The following SLCO3A1 variants were observed in gnomAD, a reference collection of about 807,000 sequenced individuals.
SLCO3A1 encodes the protein PGE1 transporter.
SLCO3A1 carries 27 observed loss-of-function variants against 63.1 expected under a neutral mutation model. That is an observed-to-expected ratio of 0.43 (90% CI 0.32 to 0.59). The LOEUF is 0.59. SLCO3A1 is among the 20% of genes least tolerant of loss of function. The pLI is 0.09. For synonymous variants in SLCO3A1, 473 were observed against 409.9 expected, an observed-to-expected ratio of 1.15 and a Z score of -1.86; for missense variants, 773 against 945.8, an observed-to-expected ratio of 0.82 and a Z score of 2.40.
chr15:91,855,491 G>T (rs1223086553), intron 1 of SLCO3A1, among the ~76,000 whole-genome samples: 1 of 152,164 alleles, frequency 6.6e-6, no homozygotes, highest in Admixed American at 6.5e-5. Context: ...TCTGTCTTGT[G>T]CATTCGTAAC....
intron 2 of SLCO3A1, among the ~76,000 whole-genome samples, chr15:91,972,379 A>G (rs992050368): frequency 7.2e-5 from 11 of 152,102 alleles, no homozygotes; most frequent in Admixed American, 6.5e-4. Context: ...AGCCCCCATG[A>G]TGGGGTTAGT....
intron 1 of SLCO3A1, among the ~76,000 whole-genome samples, chr15:91,915,452 A>T (rs923942947): frequency 3.3e-5 from 5 of 152,126 alleles, no homozygotes; most frequent in Admixed American, 6.5e-5. Flanking sequence ...CAAAGAGCAA[A>T]TGATTACCCC....
rs2046681390 is a variant in SLCO3A1 at position 92,033,483 on chromosome 15, A to C, written c.647-61398A>C. On this transcript the variant is annotated intron_variant, in intron 2 of 9. Coordinates refer to ENST00000318445, the MANE Select transcript of SLCO3A1 (RefSeq NM_013272.4). The surrounding 1 kb of genome is among the most constrained non-coding windows in gnomAD (Gnocchi z 4.5). ...GGAGTGAAAACCTAAAGGGAACTAA[A>C]TGCCGAGACGGTGGGCAAAGGAGAA... is the stretch of plus-strand genomic sequence containing the variant. 6.6e-6 allele frequency among the ~76,000 whole-genome samples: 1 copy of C among 152,194 alleles called. No homozygotes were observed. The highest frequency in any genetic ancestry group is 2.4e-5 in the African/African-American group (1 of 41,446).
chr15:92,006,334 G>C (rs895812779), intron 2 of SLCO3A1, among the ~76,000 whole-genome samples: 1 of 152,178 alleles, frequency 6.6e-6, no homozygotes, highest in African/African-American at 2.4e-5. Flanking sequence ...CATGACATAA[G>C]CTACAGCTTC....
intron 2 of SLCO3A1, among the ~76,000 whole-genome samples, chr15:91,927,167 C>T (rs1899059827): frequency 6.6e-6 from 1 of 152,140 alleles, no homozygotes; most frequent in Non-Finnish European, 1.5e-5. Context: ...CGGCCCTCCA[C>T]TCCCCCGAAA....
rs777451564 is a variant in SLCO3A1 at position 92,104,366 on chromosome 15, C to G, written c.833C>G (p.Ser278Cys). Residue 278 changes from serine (S) to cysteine (C), a missense_variant, in exon 4 of 10, where the codon TCT (serine) becomes TGT (cysteine). Ser to Cys is a moderately radical substitution (Grantham distance 112). This residue lies in a region of SLCO3A1 where 565 missense variants were observed against 749.8 expected (regional missense o/e 0.75). Transcript: ENST00000318445. Reference protein sequence around the residue: ...FLLCGALLFFSSLLMFGFPQS... With the variant: ...FLLCGALLFFCSLLMFGFPQS... Reference sequence around the variant, plus strand: ...CTCTGCGGTGCCTTACTCTTCTTCTCTTCCCTCTTGATGTTTGGGTTTCCA... The same window carrying G: ...CTCTGCGGTGCCTTACTCTTCTTCTGTTCCCTCTTGATGTTTGGGTTTCCA... 6.2e-7 allele frequency: 1 copy of G among 1,614,204 alleles called. No individual in the cohort carries two copies. The highest frequency in any genetic ancestry group is 8.5e-7 in the Non-Finnish European group (1 of 1,180,044).
intron 5 of SLCO3A1, among the ~76,000 whole-genome samples, chr15:92,121,443 G>A (rs2047861460): frequency 6.6e-6 from 1 of 152,180 alleles, no homozygotes; most frequent in Non-Finnish European, 1.5e-5. Context: ...GGTACCATTT[G>A]TAAAGACTGG....
At chr15:92,028,926 T>TGTGTGTGTGTGTGC (rs2046611028) in intron 2 of SLCO3A1, among the ~76,000 whole-genome samples, 1 of 151,294 alleles carries the variant, frequency 6.6e-6, no homozygotes, top group South Asian at 2.1e-4. Flanking sequence ...TGTGTGTGTG[T>TGTGTGTGTGTGTGC]GTGTGTGTGT....
chr15:92,087,374 A>G (rs1462268934), intron 2 of SLCO3A1, among the ~76,000 whole-genome samples: 3 of 152,316 alleles, frequency 2.0e-5, no homozygotes, highest in African/African-American at 7.2e-5. Context: ...CTGATACCCA[A>G]CAGGGAAAGT....
At chr15:92,089,597 C>T (rs2047447421) in intron 2 of SLCO3A1, among the ~76,000 whole-genome samples, 1 of 152,106 alleles carries the variant, frequency 6.6e-6, no homozygotes, top group Admixed American at 6.5e-5. Flanking sequence ...TATTTGTTGA[C>T]CGAGAGTGGT....
chr15:92,147,169 C>G lies in SLCO3A1; in HGVS notation c.1688+10C>G. 6.2e-7 allele frequency: 1 copy of G among 1,602,712 alleles called. No individual in the cohort carries two copies. The highest frequency in any genetic ancestry group is 1.1e-5 in the South Asian group (1 of 89,456). On this transcript the variant is annotated intron_variant, in intron 8 of 9. Transcript: ENST00000318445. ...TCATCATCCTCATCAGGTAAGCCCT[C>G]GGCACAGCCCCGCCTCTCCTCCTTT...
At chr15:92,102,480 T>A (rs986668161) in intron 3 of SLCO3A1, among the ~76,000 whole-genome samples, 2 of 152,202 alleles carry the variant, frequency 1.3e-5, no homozygotes, top group African/African-American at 4.8e-5. Context: ...CCACTCTAGG[T>A]TGAAGCTGTC....
chr15:92,080,189 G>T (rs557366549), intron 2 of SLCO3A1, among the ~76,000 whole-genome samples: 2 of 152,142 alleles, frequency 1.3e-5, no homozygotes, highest in African/African-American at 2.4e-5. Flanking sequence ...GTGGGATATC[G>T]TTATACAAAT....
intron 2 of SLCO3A1, among the ~76,000 whole-genome samples, chr15:91,938,470 T>C (rs1369560318): frequency 1.4e-5 from 2 of 138,530 alleles, no homozygotes; most frequent in Non-Finnish European, 1.5e-5. Context: ...ACTCTAAACA[T>C]TGGTTTTTTT....
In SLCO3A1 at chr15:92,165,359, T is replaced by C; in HGVS notation, c.*2224T>C. On this transcript the variant is annotated 3_prime_UTR_variant, in exon 10 of 10. Transcript: ENST00000318445. ...TGTTCTGTTGTTCCTAAGGCTTTGATAATATCCTGTACAGATTTTGGTTTA... is the reference window on the plus strand; with the variant it reads ...TGTTCTGTTGTTCCTAAGGCTTTGACAATATCCTGTACAGATTTTGGTTTA... 1.0e-6 allele frequency: 1 copy of C among 985,256 alleles called. No homozygotes were observed. Among genetic ancestry groups the C allele is most frequent in the East Asian group, 1.1e-4 (1 of 8,822 alleles). The allele number at this position is 985,256 out of a possible 1,614,324, so 61.0% of individuals were successfully genotyped here. A position where few individuals can be genotyped will look rare whatever the true frequency, so the allele number is the denominator to read the frequency against.
At chr15:91,890,450 CTACTCA>C (rs1439928716) in intron 1 of SLCO3A1, among the ~76,000 whole-genome samples, 1 of 152,168 alleles carries the variant, frequency 6.6e-6, no homozygotes, top group East Asian at 1.9e-4. Flanking sequence ...ACCTTGATAC[CTACTCA>C]TGACTGCCAG....
rs569867431 is a variant in SLCO3A1, at chr15:91,955,833, G to A, written c.646+39375G>A. On this transcript the variant is annotated intron_variant, in intron 2 of 9. Transcript: ENST00000318445. Reference sequence around the variant, plus strand: ...CAAAACAAACAGCAGTGACTGCCACGTATTAGCGTGTTTGGAATCTGTAAT... The same window carrying A: ...CAAAACAAACAGCAGTGACTGCCACATATTAGCGTGTTTGGAATCTGTAAT... 2.6e-4 allele frequency among the ~76,000 whole-genome samples: 39 copies of A among 152,342 alleles called. 2 individuals carry two copies. In the South Asian group the frequency reaches 6.6e-3, roughly 26 times the overall value.
At chr15:91,880,115 GTCCGTCCGTCCGTCCGTCCATCCATCCA>G (rs1373918522) in intron 1 of SLCO3A1, among the ~76,000 whole-genome samples, 6 of 115,776 alleles carry the variant, frequency 5.2e-5, no homozygotes, top group South Asian at 2.7e-4. Flanking sequence ...CCGTCCGTCC[GTCCGTCCGTCCGTCCGTCCATCCATCCA>G]TCCATCCATC....
At chr15:92,157,967 G>C (rs539427746) in intron 9 of SLCO3A1, among the ~76,000 whole-genome samples, 17 of 152,242 alleles carry the variant, frequency 1.1e-4, no homozygotes, top group African/African-American at 3.1e-4. Context: ...AGCTGTCTCT[G>C]GTTCACAAAT....
Sources: allele counts gnomAD v4.1 joint callset (sites outside exome capture counted in the v4.1 genomes callset), GRCh38; gene constraint gnomAD v4.1.1; regional missense constraint gnomAD v4.1.1; non-coding constraint Gnocchi (gnomAD v3.1); transcripts MANE v1.5; gene names NCBI Gene and HGNC (gene_info 2026-07-23, HGNC 2026-07-21).